TNIP2: variants seen among roughly 807,000 people sequenced by gnomAD.
The protein encoded by TNIP2 is TNFAIP3 interacting protein 2, also known as TNFAIP3-interacting protein 2.
Under a neutral mutation model 43.7 loss-of-function variants are expected in TNIP2, and 30 were observed. The ratio of observed to expected loss-of-function variants is 0.69; its 90% CI spans 0.51 to 0.93. The LOEUF is 0.93. Ranked by LOEUF, TNIP2 falls within the 40% of genes least tolerant of loss-of-function variation. The pLI is 0.00. For synonymous variants in TNIP2, 260 were observed against 254.6 expected (o/e 1.02, Z -0.20); for missense variants, 599 against 591.0 (o/e 1.01, Z -0.14).
At chr4:2,755,263 G>C (rs1722200336) in intron 1 of TNIP2, among the ~76,000 whole-genome samples, 1 of 151,466 alleles carries the variant, frequency 6.6e-6, no homozygotes, top group Non-Finnish European at 1.5e-5. Context: ...GAACCAACCG[G>C]AACATACACA....
intron 1 of TNIP2, among the ~76,000 whole-genome samples, chr4:2,753,390 T>C (rs1722149298): frequency 6.6e-6 from 1 of 152,100 alleles, no homozygotes; most frequent in Non-Finnish European, 1.5e-5. Context: ...CAGTGAGCCA[T>C]GTTTGTGCCA....
intron 5 of TNIP2, among the ~76,000 whole-genome samples, chr4:2,742,925 G>A (rs939729676): frequency 6.6e-6 from 1 of 152,212 alleles, no homozygotes; most frequent in Non-Finnish European, 1.5e-5. Context: ...CACCTCCTCT[G>A]TGGGGCCTGG....
rs939025134 is a variant in TNIP2 at position 2,744,572 on chromosome 4, A to AC, written c.907-67dup. The AC allele has an allele frequency of 1.2e-6, 2 of 1,601,740 alleles. No individual in the cohort carries two copies. ...GGAAGCGCCCCACCAGGCTTCTCCC[A>AC]CCCCCACAGTGACCACTGCCCACTC... is the stretch of plus-strand genomic sequence containing the variant. On this transcript the variant is annotated intron_variant, in intron 4 of 5. Coordinates refer to ENST00000315423, the MANE Select transcript of TNIP2 (RefSeq NM_024309.4). The surrounding 1 kb of genome is among the most constrained non-coding windows in gnomAD (Gnocchi z 5.1).
At chr4:2,751,243 A>G (rs1239074797) in intron 1 of TNIP2, among the ~76,000 whole-genome samples, 1 of 152,218 alleles carries the variant, frequency 6.6e-6, no homozygotes, top group Non-Finnish European at 1.5e-5. Flanking sequence ...TGGTCAGAAA[A>G]CAAGGTACGA....
chr4:2,749,939 G>A (rs1267436911), intron 1 of TNIP2, among the ~76,000 whole-genome samples: 1 of 152,072 alleles, frequency 6.6e-6, no homozygotes, highest in East Asian at 1.9e-4. Context: ...AGCACCCTAA[G>A]TAGTTGGATT....
Position 2,756,029 on chromosome 4 carries a change from C to T in TNIP2, c.261G>A (p.Glu87=). The T allele has an allele frequency of 6.5e-7, 1 of 1,549,892 alleles. No homozygotes were observed. Among genetic ancestry groups the T allele is most frequent in the Non-Finnish European group, 8.6e-7 (1 of 1,159,556 alleles). ...QLRRQEGGAA[E]AQMRQEIERL... Reference sequence around the variant, plus strand: ...GCCCTCGTACCTGGCGCATCTGGGCCTCGGCGGCGCCGCCCTCCTGCCTTC... The same window carrying T: ...GCCCTCGTACCTGGCGCATCTGGGCTTCGGCGGCGCCGCCCTCCTGCCTTC... Residue 87 remains glutamate (E), a synonymous_variant, in exon 1 of 6, where the codon GAG becomes GAA. Transcript: ENST00000315423.
At position 2,747,870 on chromosome 4, in the gene TNIP2, C is replaced by A; in HGVS notation, c.352G>T (p.Glu118Ter). ...AGCAGGACGACTTCCTTCTCTCGCT[C>A]GTGTTGGGGCTGGCTCAGCAGCTGC... ...MQQLLSQPQH[E>*]REKEVVLLRR... The change falls in exon 2 of 6, where the codon GAG (glutamate) becomes TAG (stop). Residue 118 changes from glutamate to a stop codon, truncating the protein, a stop_gained. Coordinates refer to ENST00000315423, the MANE Select transcript of TNIP2 (RefSeq NM_024309.4). LOFTEE classifies it high-confidence loss of function. 1 of 1,613,828 alleles carries A rather than the reference C, an allele frequency of 6.2e-7. No homozygotes were observed. The highest frequency in any genetic ancestry group is 8.5e-7 in the Non-Finnish European group (1 of 1,180,046).
At chr4:2,746,613 TG>T (rs1262548602) in intron 2 of TNIP2, among the ~76,000 whole-genome samples, 1 of 152,190 alleles carries the variant, frequency 6.6e-6, no homozygotes, top group Non-Finnish European at 1.5e-5. Flanking sequence ...GGCGCCTCGG[TG>T]AAGCTGCTGA....
chr4:2,750,790 G>C lies in TNIP2; in HGVS notation c.277-2845C>G, dbSNP rs550789091. Among the ~76,000 whole-genome samples, 5 of 152,170 alleles carry C rather than the reference G, an allele frequency of 3.3e-5. No homozygotes were observed. In the South Asian group the frequency reaches 1.0e-3, roughly 32 times the overall value. On this transcript the variant is annotated intron_variant, in intron 1 of 5. Transcript: ENST00000315423. The stretch of plus-strand genomic sequence containing the variant: ...CCTCAGCAGGGGTCACCGTGCCCAG[G>C]TAAAATCTGATTTCGGAGCCTCCTT...
intron 2 of TNIP2, chr4:2,746,247 G>T (rs547928596): frequency 4.6e-5 from 7 of 152,368 alleles, no homozygotes; most frequent in Non-Finnish European, 8.8e-5. Flanking sequence ...CATAATTTTT[G>T]AGAATTCCCC....
At chr4:2,749,994 A>C (rs1722060405) in intron 1 of TNIP2, among the ~76,000 whole-genome samples, 1 of 152,122 alleles carries the variant, frequency 6.6e-6, no homozygotes. Flanking sequence ...TATTTTTTGC[A>C]GAGACAAGGT....
In TNIP2 at chr4:2,744,287, C is replaced by T; in HGVS notation, c.1026+100G>A. The T allele has an allele frequency of 1.3e-6, 2 of 1,495,916 alleles. No homozygotes were observed. The highest frequency in any genetic ancestry group is 1.8e-6 in the Non-Finnish European group (2 of 1,096,402). The allele number at this position is 1,495,916 out of a possible 1,614,324, so 92.7% of individuals were successfully genotyped here. A position where few individuals can be genotyped will look rare whatever the true frequency, so the allele number is the denominator to read the frequency against. ...GGCTCGCCACAACCCTCATCACCAGCAAATCAGGGCCTTGGCAGACACAGA... is the reference window on the plus strand; with the variant it reads ...GGCTCGCCACAACCCTCATCACCAGTAAATCAGGGCCTTGGCAGACACAGA... On this transcript the variant is annotated intron_variant, in intron 5 of 5. Coordinates refer to ENST00000315423, the MANE Select transcript of TNIP2 (RefSeq NM_024309.4). This position sits in a 1 kb window ranked among gnomAD's most constrained non-coding sequence, Gnocchi z 5.1.
rs2109478906 is a variant in TNIP2 at position 2,744,237 on chromosome 4, G to A, written c.1026+150C>T. ...ATGACCACGCCCAGGTACCAGGCCAGGTGGCTCTCCCCACAGCAGGGAGGG... is the reference window on the plus strand; with the variant it reads ...ATGACCACGCCCAGGTACCAGGCCAAGTGGCTCTCCCCACAGCAGGGAGGG... On this transcript the variant is annotated intron_variant, in intron 5 of 5. Coordinates refer to ENST00000315423, the MANE Select transcript of TNIP2 (RefSeq NM_024309.4). The surrounding 1 kb of genome is among the most constrained non-coding windows in gnomAD (Gnocchi z 5.1). The A allele has an allele frequency of 1.1e-6, 1 of 936,762 alleles. No homozygotes were observed. Among genetic ancestry groups the A allele is most frequent in the Non-Finnish European group, 1.6e-6 (1 of 631,244 alleles). The allele number at this position is 936,762 out of a possible 1,614,324, so 58.0% of individuals were successfully genotyped here.
chr4:2,748,407 A>T (rs1311160757), intron 1 of TNIP2, among the ~76,000 whole-genome samples: 1 of 151,790 alleles, frequency 6.6e-6, no homozygotes. Flanking sequence ...CAGTGGAGCG[A>T]TCTCAGCTCA....
At position 2,741,868 on chromosome 4, in the gene TNIP2, A is replaced by G. The variant is rs1466805436; in HGVS notation, c.*389T>C. On this transcript the variant is annotated 3_prime_UTR_variant, in exon 6 of 6. Coordinates refer to ENST00000315423, the MANE Select transcript of TNIP2 (RefSeq NM_024309.4). ...AGGCAGAGAGGCGACGCTTTATTCC[A>G]TAGAACAGGATGGGGCTCCCACCCT... 1 of 176,002 alleles carries G rather than the reference A, an allele frequency of 5.7e-6. No individual in the cohort carries two copies. The highest frequency in any genetic ancestry group is 2.0e-4 in the South Asian group (1 of 5,058). 10.9% of individuals were successfully genotyped at this position (176,002 alleles called of 1,614,324 possible). A position where few individuals can be genotyped will look rare whatever the true frequency, so the allele number is the denominator to read the frequency against.
Position 2,744,904 on chromosome 4 carries a change from G to A in TNIP2, c.699C>T (p.Ser233=), listed in dbSNP as rs766013380. The A allele has an allele frequency of 6.2e-7, 1 of 1,611,754 alleles. No individual in the cohort carries two copies. Among genetic ancestry groups the A allele is most frequent in the Non-Finnish European group, 8.5e-7 (1 of 1,178,238 alleles). The change falls in exon 4 of 6, where the codon AGC becomes AGT. Residue 233 remains serine (S), a synonymous_variant. Coordinates refer to ENST00000315423, the MANE Select transcript of TNIP2 (RefSeq NM_024309.4). This position sits in a 1 kb window ranked among gnomAD's most constrained non-coding sequence, Gnocchi z 5.1. ...LNAKWQRYNA[S]RDEYVRGLHA... Reference sequence around the variant, plus strand: ...GGAGCCCCCTCACGTATTCGTCCCTGCTGGCGTTGTAGCGCTGCCACTTGG... The same window carrying A: ...GGAGCCCCCTCACGTATTCGTCCCTACTGGCGTTGTAGCGCTGCCACTTGG...
At chr4:2,755,044 A>C (rs1215129637) in intron 1 of TNIP2, among the ~76,000 whole-genome samples, 1 of 152,110 alleles carries the variant, frequency 6.6e-6, no homozygotes, top group African/African-American at 2.4e-5. Flanking sequence ...GTCCTTTATC[A>C]GACACGGGCT....
At chr4:2,755,925 C>A (rs1209593615) in intron 1 of TNIP2, 89 bp downstream of exon 1, 8 of 1,410,656 alleles carry the variant, frequency 5.7e-6, no homozygotes, top group East Asian at 6.0e-5. Flanking sequence ...CCCCTCAGGA[C>A]CCGGGGCCCG....
At position 2,747,890 on chromosome 4, in the gene TNIP2, A is replaced by T; in HGVS notation, c.332T>A (p.Leu111Gln). The change falls in exon 2 of 6, where the codon CTG becomes CAG. Residue 111 changes from leucine (L) to glutamine (Q), a missense_variant. Leu to Gln is a moderately radical substitution (Grantham distance 113). Transcript: ENST00000315423. ...TCGCTCGTGTTGGGGCTGGCTCAGC[A>T]GCTGCTGCATCTCCCTCTCTTTTTC... ...LEEKEREMQQ[L>Q]LSQPQHEREK... is the part of the protein sequence containing the mutation. 1 of 1,613,740 alleles carries T rather than the reference A, an allele frequency of 6.2e-7. No homozygotes were observed. The highest frequency in any genetic ancestry group is 8.5e-7 in the Non-Finnish European group (1 of 1,180,034).
Sources: allele counts gnomAD v4.1 joint callset (sites outside exome capture counted in the v4.1 genomes callset), GRCh38; gene constraint gnomAD v4.1.1; non-coding constraint Gnocchi (gnomAD v3.1); transcripts MANE v1.5; gene names NCBI Gene and HGNC (gene_info 2026-07-23, HGNC 2026-07-21).